The following NME7 variants were observed in gnomAD, a reference collection of about 807,000 sequenced individuals.
NME7 encodes the protein nucleoside diphosphate kinase 7.
In NME7, 41 loss-of-function variants were observed where a neutral mutation model predicts 49.1. The ratio of observed to expected loss-of-function variants is 0.83; its 90% CI spans 0.65 to 1.08. The LOEUF (loss-of-function observed/expected upper bound fraction) is 1.08, where lower values mean the gene tolerates loss of function less well. NME7 is among the 50% of genes least tolerant of loss of function. NME7 has a pLI of 0.00. For missense variants in NME7, 423 were observed against 463.4 expected, an observed-to-expected ratio of 0.91 and a Z score of 0.80; for synonymous variants, 139 against 150.6, an observed-to-expected ratio of 0.92 and a Z score of 0.56.
chr1:169,283,931 T>A (rs1439994211), intron 7 of NME7: 1 of 152,128 alleles, frequency 6.6e-6, no homozygotes, highest in African/African-American at 2.4e-5. Flanking sequence ...TGTCTTGGGG[T>A]TGCTCTTCTC....
At chr1:169,165,742 A>G (rs1333828947) in intron 11 of NME7, among the ~76,000 whole-genome samples, 1 of 152,212 alleles carries the variant, frequency 6.6e-6, no homozygotes, top group Admixed American at 6.5e-5. Flanking sequence ...TTTTCATAAT[A>G]TTTTATCATC....
chr1:169,294,025 A>C (rs1419284307), intron 6 of NME7, among the ~76,000 whole-genome samples: 1 of 152,114 alleles, frequency 6.6e-6, no homozygotes, highest in Non-Finnish European at 1.5e-5. Context: ...ATTTTTGTAT[A>C]CTAATATTAC....
At position 169,302,292 on chromosome 1, in the gene NME7, G is replaced by C. The variant is rs987885792; in HGVS notation, c.440+853C>G. On this transcript the variant is annotated intron_variant, in intron 5 of 11. Transcript: ENST00000367811. ...AGAAAACAAACCTTTCTACCAAAAA[G>C]ATACATGCACTTGCCTGTTCATTGC... The C allele has an allele frequency of 3.9e-5, 6 of 152,070 alleles. No individual in the cohort carries two copies. The South Asian group carries it at 1.2e-3, about 32-fold the overall frequency. 9.4% of individuals were successfully genotyped at this position (152,070 alleles called of 1,614,324 possible).
chr1:169,160,193 C>T (rs1324701518), intron 11 of NME7, among the ~76,000 whole-genome samples: 1 of 152,146 alleles, frequency 6.6e-6, no homozygotes, highest in African/African-American at 2.4e-5. Flanking sequence ...TCTACTTTAT[C>T]CCTTTCTTCA....
intron 3 of NME7, among the ~76,000 whole-genome samples, chr1:169,313,527 C>A (rs893459724): frequency 6.6e-6 from 1 of 152,130 alleles, no homozygotes; most frequent in African/African-American, 2.4e-5. Flanking sequence ...GAAGCAAAGA[C>A]AATTAATTCC....
chr1:169,345,640 T>C (rs1195274056), intron 1 of NME7, among the ~76,000 whole-genome samples: 1 of 152,196 alleles, frequency 6.6e-6, no homozygotes, highest in African/African-American at 2.4e-5. Flanking sequence ...AGTGTCAGCA[T>C]ACTCTACAAC....
At position 169,261,296 on chromosome 1, in the gene NME7, T is replaced by C. The variant is rs1571336719; in HGVS notation, c.755-23609A>G. On this transcript the variant is annotated intron_variant, in intron 7 of 11. Coordinates refer to ENST00000367811, the MANE Select transcript of NME7 (RefSeq NM_013330.5). ...TTGAGAAAACCCCATGTTACATTTT[T>C]GCCAGTGCTATTTCTTTCCATGAAA... 1.5e-5 allele frequency among the ~76,000 whole-genome samples: 2 copies of C among 134,474 alleles called. 1 individual carries two copies. The highest frequency in any genetic ancestry group is 4.0e-4 in the East Asian group (2 of 5,062). 88.2% of individuals were successfully genotyped at this position (134,474 alleles called of 152,430 possible).
At chr1:169,316,024 A>T (rs1479991487) in intron 3 of NME7, among the ~76,000 whole-genome samples, 1 of 152,078 alleles carries the variant, frequency 6.6e-6, no homozygotes, top group Non-Finnish European at 1.5e-5. Context: ...AAGAGGGTAA[A>T]ATAAAAAACG....
intron 1 of NME7, among the ~76,000 whole-genome samples, chr1:169,329,008 T>C (rs1304939483): frequency 6.6e-6 from 1 of 152,120 alleles, no homozygotes; most frequent in African/African-American, 2.4e-5. Flanking sequence ...AGTATCAAGA[T>C]CATCCAGGAA....
intron 10 of NME7, among the ~76,000 whole-genome samples, chr1:169,198,020 T>C (rs1660437196): frequency 6.6e-6 from 1 of 151,896 alleles, no homozygotes; most frequent in African/African-American, 2.4e-5. Flanking sequence ...ATAATAAAAA[T>C]GACTTAATTT....
At chr1:169,236,496 T>C (rs1647863224) in intron 8 of NME7, among the ~76,000 whole-genome samples, 1 of 152,144 alleles carries the variant, frequency 6.6e-6, no homozygotes, top group Non-Finnish European at 1.5e-5. Context: ...CCAATCACTA[T>C]GCTAAACTGT....
intron 2 of NME7, among the ~76,000 whole-genome samples, chr1:169,323,784 T>C (rs1311712598): frequency 6.6e-6 from 1 of 151,614 alleles, no homozygotes; most frequent in East Asian, 1.9e-4. Flanking sequence ...AATCCTTATC[T>C]ATAATCACTT....
intron 11 of NME7, among the ~76,000 whole-genome samples, chr1:169,133,085 G>GTGTT (rs1040776041): frequency 1.2e-4 from 18 of 149,510 alleles, no homozygotes; most frequent in African/African-American, 3.9e-4. Context: ...CTAGACATAT[G>GTGTT]TGTTAAAAAA....
chr1:169,141,666 C>T (rs1486462937), intron 11 of NME7, among the ~76,000 whole-genome samples: 1 of 152,154 alleles, frequency 6.6e-6, no homozygotes, highest in East Asian at 1.9e-4. Context: ...TATTGCTATA[C>T]TTCATACACA....
At chr1:169,344,605 T>A (rs565193948) in intron 1 of NME7, among the ~76,000 whole-genome samples, 1 of 152,322 alleles carries the variant, frequency 6.6e-6, no homozygotes, top group East Asian at 1.9e-4. Flanking sequence ...TTGTAAAGTG[T>A]TTTTCTGTGT....
chr1:169,190,763 G>A, intron 10 of NME7: 1 of 350,696 alleles, frequency 2.9e-6, no homozygotes, highest in Non-Finnish European at 5.5e-6. Context: ...AATAAATATG[G>A]CATTTATCAC....
chr1:169,140,619 C>A (rs1658562984), intron 11 of NME7, among the ~76,000 whole-genome samples: 1 of 151,690 alleles, frequency 6.6e-6, no homozygotes, highest in Non-Finnish European at 1.5e-5. Flanking sequence ...GTTATGAATG[C>A]CAAGCAAGCA....
At chr1:169,350,529 G>T (rs1170340650) in intron 1 of NME7, among the ~76,000 whole-genome samples, 1 of 151,760 alleles carries the variant, frequency 6.6e-6, no homozygotes, top group Admixed American at 6.6e-5. Flanking sequence ...CTTGGCCCTG[G>T]ATGTTTCTCT....
intron 10 of NME7, among the ~76,000 whole-genome samples, chr1:169,214,297 T>C (rs1372168441): frequency 6.6e-6 from 1 of 152,186 alleles, no homozygotes; most frequent in Non-Finnish European, 1.5e-5. Flanking sequence ...AAAAGACTGG[T>C]CTTTCCTTTC....
Sources: allele counts gnomAD v4.1 joint callset (sites outside exome capture counted in the v4.1 genomes callset), GRCh38; gene constraint gnomAD v4.1.1; transcripts MANE v1.5; gene names NCBI Gene and HGNC (gene_info 2026-07-23, HGNC 2026-07-21).